Variants in IGFBP7 observed in about 807,000 individuals in gnomAD.
IGFBP7 encodes insulin-like growth factor-binding protein 7.
A neutral mutation model predicts 29.4 loss-of-function variants in IGFBP7; 31 were observed. The observed-to-expected ratio is 1.05, with a 90% confidence interval of 0.79 to 1.42. IGFBP7 has a LOEUF of 1.42. Among genes scored for constraint, IGFBP7 ranks in the 40% most tolerant of loss-of-function variants. The probability of loss-of-function intolerance (pLI) is 0.00; values close to 1 mark genes in which losing one functional copy is unlikely to be tolerated. For missense variants in IGFBP7, 393 were observed against 395.5 expected, an observed-to-expected ratio of 0.99 and a Z score of 0.05; for synonymous variants, 172 against 174.9, an observed-to-expected ratio of 0.98 and a Z score of 0.13.
intron 1 of IGFBP7, among the ~76,000 whole-genome samples, chr4:57,051,379 A>G (rs1481328784): frequency 2.6e-5 from 4 of 152,212 alleles, no homozygotes; most frequent in Non-Finnish European, 5.9e-5. Context: ...GGAGGAGAAG[A>G]AAGTACAACA....
chr4:57,102,552 C>T (rs751799815), intron 1 of IGFBP7, among the ~76,000 whole-genome samples: 4 of 152,118 alleles, frequency 2.6e-5, no homozygotes. Flanking sequence ...CTATTTAATT[C>T]CAGGCCTTTT....
At chr4:57,049,002 TG>T (rs1323841814) in intron 1 of IGFBP7, among the ~76,000 whole-genome samples, 5 of 152,314 alleles carry the variant, frequency 3.3e-5, no homozygotes, top group Admixed American at 3.3e-4. Context: ...ATGTCAAAGA[TG>T]CTTTGACATT....
intron 4 of IGFBP7, among the ~76,000 whole-genome samples, chr4:57,031,806 C>T (rs948897781): frequency 2.0e-5 from 3 of 152,176 alleles, no homozygotes; most frequent in African/African-American, 4.8e-5. Context: ...CTTTTCATAT[C>T]ACAGCTGAGT....
intron 1 of IGFBP7, among the ~76,000 whole-genome samples, chr4:57,052,462 G>A (rs1027131784): frequency 2.0e-5 from 3 of 152,192 alleles, no homozygotes; most frequent in African/African-American, 7.2e-5. Flanking sequence ...GGCAAGCACT[G>A]TCTAGCTGAC....
At chr4:57,078,947 C>T (rs926520453) in intron 1 of IGFBP7, among the ~76,000 whole-genome samples, 4 of 152,212 alleles carry the variant, frequency 2.6e-5, no homozygotes, top group African/African-American at 9.6e-5. Context: ...TGGCTCCCGT[C>T]CACAGGGCCC....
At chr4:57,076,483 G>A (rs1714010) in intron 1 of IGFBP7, among the ~76,000 whole-genome samples, 95,691 of 152,002 alleles carry the variant, frequency 0.63, 30,564 homozygotes, top group East Asian at 0.87. Flanking sequence ...CCTGACATCA[G>A]TGAAGCCAGA....
chr4:57,096,882 A>G (rs4309904), intron 1 of IGFBP7, among the ~76,000 whole-genome samples: 141,473 of 152,278 alleles, frequency 0.93, 65,798 homozygotes, highest in Middle Eastern at 0.98. Flanking sequence ...CTGCTAAGCT[A>G]AGGCTACATG....
intron 1 of IGFBP7, among the ~76,000 whole-genome samples, chr4:57,081,055 C>A (rs1725355281): frequency 1.3e-5 from 2 of 152,208 alleles, no homozygotes; most frequent in Non-Finnish European, 2.9e-5. Context: ...AAGTCAACAC[C>A]CATTTCCTCT....
At chr4:57,098,496 A>G (rs1361531083) in intron 1 of IGFBP7, among the ~76,000 whole-genome samples, 1 of 152,108 alleles carries the variant, frequency 6.6e-6, no homozygotes, top group Non-Finnish European at 1.5e-5. Flanking sequence ...TTTCTAGTGA[A>G]CCAAAGGCCC....
chr4:57,043,242 C>CA (rs1724274126), intron 1 of IGFBP7, among the ~76,000 whole-genome samples: 1 of 152,208 alleles, frequency 6.6e-6, no homozygotes. Flanking sequence ...TCATGTGGGG[C>CA]AGTGTGAGAC....
At position 57,036,641 on chromosome 4, in the gene IGFBP7, G is replaced by A. The variant is rs1350273687; in HGVS notation, c.586-3330C>T. ...GAGTTTGCTGAAAGGTATGGGGCTT[G>A]TTAAAGCCAGCTTTCCTTACTACCA... On this transcript the variant is annotated intron_variant, in intron 2 of 4. Transcript: ENST00000295666. 3.3e-5 allele frequency among the ~76,000 whole-genome samples: 5 copies of A among 152,168 alleles called. No homozygotes were observed. The East Asian group carries it at 9.6e-4, about 29-fold the overall frequency.
chr4:57,073,956 C>T (rs1056463595), intron 1 of IGFBP7, among the ~76,000 whole-genome samples: 1 of 152,226 alleles, frequency 6.6e-6, no homozygotes, highest in Non-Finnish European at 1.5e-5. Flanking sequence ...TTCCCAAGGG[C>T]AGCAGCTCAC....
rs1425216176 is a variant in IGFBP7 at position 57,110,232 on chromosome 4, G to A, written c.120C>T (p.Cys40=). 7.2e-7 allele frequency: 1 copy of A among 1,382,994 alleles called. No individual in the cohort carries two copies. Among genetic ancestry groups the A allele is most frequent in the Non-Finnish European group, 9.3e-7 (1 of 1,071,662 alleles). 85.7% of individuals were successfully genotyped at this position (1,382,994 alleles called of 1,614,324 possible). The change falls in exon 1 of 5, where the codon TGC becomes TGT. Residue 40 remains cysteine, a synonymous_variant. Transcript: ENST00000295666. ...DTCGPCEPAS[C]PPLPPLGCLL... The stretch of plus-strand genomic sequence containing the variant: ...GGCAGCCCAGCGGGGGCAGGGGCGG[G>A]CAGGAGGCCGGCTCGCAGGGGCCGC...
At chr4:57,103,540 A>AT (rs1725947966) in intron 1 of IGFBP7, among the ~76,000 whole-genome samples, 2 of 151,866 alleles carry the variant, frequency 1.3e-5, no homozygotes, top group Non-Finnish European at 2.9e-5. Context: ...GCATGTAGAC[A>AT]TTTTGGAATG....
At chr4:57,060,427 G>C (rs749729328) in intron 1 of IGFBP7, among the ~76,000 whole-genome samples, 30 of 152,108 alleles carry the variant, frequency 2.0e-4, no homozygotes, top group African/African-American at 3.1e-4. Flanking sequence ...ATGGGTCTGT[G>C]GGTAGGAAAG....
chr4:57,109,770 G>A (rs1193342146), intron 1 of IGFBP7, 107 bp downstream of exon 1: 2 of 1,314,286 alleles, frequency 1.5e-6, no homozygotes, highest in East Asian at 2.9e-5. Flanking sequence ...GCCCGCGGGG[G>A]AATCGCAGTG....
Position 57,110,047 on chromosome 4 carries a change from G to A in IGFBP7, c.305C>T (p.Ala102Val). 6.4e-7 allele frequency: 1 copy of A among 1,560,950 alleles called. No homozygotes were observed. Residue 102 changes from alanine to valine, a missense_variant, in exon 1 of 5, where the codon GCC becomes GTC. Ala to Val is a moderately conservative substitution (Grantham distance 64). Coordinates refer to ENST00000295666, the MANE Select transcript of IGFBP7 (RefSeq NM_001553.3). ...KRRKGKAGAA[A>V]GGPGVSGVCV... ...CACGCCGCTTACACCCGGACCGCCG[G>A]CTGCTGCCCCGGCTTTACCCTTCCG...
chr4:57,037,627 A>G (rs1448665542), intron 2 of IGFBP7, among the ~76,000 whole-genome samples: 1 of 152,144 alleles, frequency 6.6e-6, no homozygotes, highest in East Asian at 1.9e-4. Context: ...ACAGTCCTAA[A>G]AGGGAAAAGA....
intron 1 of IGFBP7, among the ~76,000 whole-genome samples, chr4:57,076,987 A>G (rs1718845): frequency 0.69 from 104,520 of 152,034 alleles, 36,428 homozygotes; most frequent in East Asian, 0.91. Context: ...ATTCCAAAGG[A>G]AAATTTTTTA....
Sources: gnomAD v4.1 joint callset for allele counts (sites outside exome capture counted in the v4.1 genomes callset) on GRCh38, gnomAD v4.1.1 for gene constraint, MANE v1.5 for transcripts, NCBI Gene and HGNC (gene_info 2026-07-23, HGNC 2026-07-21) for gene names.